The following EHBP1 variants were observed in gnomAD, a reference collection of about 807,000 sequenced individuals.
EHBP1 encodes the protein EH domain-binding protein 1.
Under a neutral mutation model 144.0 loss-of-function variants are expected in EHBP1, and 55 were observed. The ratio of observed to expected loss-of-function variants is 0.38; its 90% CI spans 0.31 to 0.48. The LOEUF is 0.48. Ranked by LOEUF, EHBP1 falls within the 20% of genes least tolerant of loss-of-function variation. The probability of loss-of-function intolerance (pLI) is 0.98; values close to 1 mark genes in which losing one functional copy is unlikely to be tolerated. For synonymous variants in EHBP1, 469 were observed against 472.7 expected (o/e 0.99, Z 0.10); for missense variants, 1,200 against 1,364.2 (o/e 0.88, Z 1.90).
chr2:62,720,366 T>G (rs923011150), intron 2 of EHBP1, among the ~76,000 whole-genome samples: 2 of 152,202 alleles, frequency 1.3e-5, no homozygotes, highest in Non-Finnish European at 1.5e-5. Flanking sequence ...AGCCTTCCTT[T>G]AAATATGTCC....
intron 6 of EHBP1, among the ~76,000 whole-genome samples, chr2:62,827,256 G>A (rs990647125): frequency 7.2e-5 from 11 of 152,224 alleles, no homozygotes; most frequent in Non-Finnish European, 8.8e-5. Context: ...TTCTAAGCCA[G>A]TGTGGTAGAG....
At chr2:62,976,772 C>A (rs2058736210) in intron 14 of EHBP1, among the ~76,000 whole-genome samples, 1 of 152,164 alleles carries the variant, frequency 6.6e-6, no homozygotes, top group African/African-American at 2.4e-5. Context: ...CAACTACCTA[C>A]TAACATCTAC....
chr2:62,896,527 A>G (rs1366116168), intron 10 of EHBP1, among the ~76,000 whole-genome samples: 2 of 151,924 alleles, frequency 1.3e-5, no homozygotes, highest in Admixed American at 1.3e-4. Flanking sequence ...CCCTACTTTT[A>G]TCTAAGGACT....
chr2:62,731,395 CT>C (rs1225738009), intron 2 of EHBP1, among the ~76,000 whole-genome samples: 1 of 152,054 alleles, frequency 6.6e-6, no homozygotes, highest in Non-Finnish European at 1.5e-5. Context: ...ACCTATATAC[CT>C]TTTCTTTTTC....
At chr2:63,030,250 T>G (rs1187058307) in intron 19 of EHBP1, among the ~76,000 whole-genome samples, 3 of 152,188 alleles carry the variant, frequency 2.0e-5, no homozygotes, top group African/African-American at 7.2e-5. Flanking sequence ...TATTCTAAAG[T>G]TCATTTATGA....
At chr2:62,674,068 A>C (rs1168942961) in exon 1 of EHBP1, 3 of 470,914 alleles carry the variant, frequency 6.4e-6, no homozygotes. Flanking sequence ...CAACCACCTA[A>C]CCAGTGATTT....
intron 7 of EHBP1, among the ~76,000 whole-genome samples, chr2:62,842,517 G>A (rs1217711916): frequency 6.6e-6 from 1 of 152,040 alleles, no homozygotes. Flanking sequence ...AATTTTGGGG[G>A]GACATTGACA....
chr2:63,023,751 A>G (rs2060856541), intron 19 of EHBP1, among the ~76,000 whole-genome samples: 1 of 152,192 alleles, frequency 6.6e-6, no homozygotes, highest in South Asian at 2.1e-4. Flanking sequence ...AACCTGACAG[A>G]TCTCTTCATG....
intron 16 of EHBP1, among the ~76,000 whole-genome samples, chr2:62,993,327 C>T (rs989279696): frequency 3.3e-5 from 5 of 152,126 alleles, no homozygotes; most frequent in African/African-American, 1.2e-4. Context: ...TCAAAGTTAT[C>T]AAGAGTTAAA....
intron 7 of EHBP1, chr2:62,858,438 T>G (rs1361462872): frequency 6.2e-7 from 1 of 1,610,932 alleles, no homozygotes; most frequent in Admixed American, 1.7e-5. Context: ...TCTGAGCAGC[T>G]TAGATGAAGA....
intron 10 of EHBP1, among the ~76,000 whole-genome samples, chr2:62,918,385 T>A (rs1387714685): frequency 2.0e-5 from 3 of 152,168 alleles, no homozygotes; most frequent in East Asian, 3.9e-4. Flanking sequence ...CATATTTTAT[T>A]TGCTGTTTTT....
At chr2:62,912,354 C>A (rs1196291751) in intron 10 of EHBP1, among the ~76,000 whole-genome samples, 1 of 152,004 alleles carries the variant, frequency 6.6e-6, no homozygotes, top group Non-Finnish European at 1.5e-5. Flanking sequence ...GAGTTTGAGA[C>A]CAGCATGACC....
Position 62,900,682 on chromosome 2 carries a change from G to GTATATATATATATATATATATATA in EHBP1, c.1185+26151_1185+26152insATATATATATATATATATATATAT, listed in dbSNP as rs1445035888. Among the ~76,000 whole-genome samples the GTATATATATATATATATATATATA allele has an allele frequency of 5.3e-3, 767 of 144,134 alleles. 17 individuals are homozygous for GTATATATATATATATATATATATA. Among genetic ancestry groups the GTATATATATATATATATATATATA allele is most frequent in the African/African-American group, 0.021 (732 of 35,342 alleles). 94.6% of individuals were successfully genotyped at this position (144,134 alleles called of 152,430 possible). A position where few individuals can be genotyped will look rare whatever the true frequency, so the allele number is the denominator to read the frequency against. ...TTGTTTTTTGTGGGTGTGTGTGTATGTGTATATATATATATATATATTTTC... is the reference window on the plus strand; with the variant it reads ...TTGTTTTTTGTGGGTGTGTGTGTATGTATATATATATATATATATATATATGTATATATATATATATATATTTTC... On this transcript the variant is annotated intron_variant, in intron 10 of 22. Transcript: ENST00000431489.
At position 62,674,380 on chromosome 2, in the gene EHBP1, G is replaced by A. The variant is rs186839700; in HGVS notation, c.-296+297G>A. On this transcript the variant is annotated intron_variant, in intron 1 of 22. Coordinates refer to the EHBP1 transcript ENST00000405015. ...GAGCTCCCACTAAAAACATGCATGA[G>A]CAGATTGTTGAAATATCCTCAATTT... Among the ~76,000 whole-genome samples the A allele has an allele frequency of 1.1e-4, 16 of 152,342 alleles. No homozygotes were observed. The East Asian group carries it at 2.9e-3, about 28-fold the overall frequency.
intron 2 of EHBP1, among the ~76,000 whole-genome samples, chr2:62,726,392 G>A (rs893963065): frequency 2.0e-5 from 3 of 152,208 alleles, no homozygotes; most frequent in African/African-American, 7.2e-5. Flanking sequence ...GCGGTAGGTA[G>A]CCCCGTGCTG....
intron 5 of EHBP1, among the ~76,000 whole-genome samples, chr2:62,820,670 C>T (rs977094322): frequency 5.6e-5 from 8 of 141,614 alleles, no homozygotes; most frequent in Non-Finnish European, 1.1e-4. Flanking sequence ...TTGTTGCATA[C>T]GTCAAAATGT....
chr2:62,941,942 T>C (rs1025490796), intron 10 of EHBP1, among the ~76,000 whole-genome samples: 1 of 152,106 alleles, frequency 6.6e-6, no homozygotes, highest in Non-Finnish European at 1.5e-5. Context: ...TAGAATAAAA[T>C]TGTTAATATA....
chr2:62,957,641 C>CTTTTTTTTTTTTTTTT (rs1157397512), intron 14 of EHBP1, among the ~76,000 whole-genome samples: 10 of 87,172 alleles, frequency 1.1e-4, no homozygotes, highest in African/African-American at 3.6e-4. Context: ...AAAATAAATG[C>CTTTTTTTTTTTTTTTT]TTTTTTTTTT....
intron 21 of EHBP1, among the ~76,000 whole-genome samples, chr2:63,043,357 T>A (rs1353190853): frequency 6.6e-6 from 1 of 152,208 alleles, no homozygotes; most frequent in African/African-American, 2.4e-5. Flanking sequence ...TGTATTCATC[T>A]CCATGCTATA....
Sources: allele counts gnomAD v4.1 joint callset (sites outside exome capture counted in the v4.1 genomes callset), GRCh38; gene constraint gnomAD v4.1.1; transcripts MANE v1.5; gene names NCBI Gene and HGNC (gene_info 2026-07-23, HGNC 2026-07-21).